Variants in DNM3 observed in about 807,000 individuals in gnomAD.
DNM3 encodes the protein dynamin-3.
In DNM3, 47 loss-of-function variants were observed where a neutral mutation model predicts 101.6. The observed-to-expected ratio is 0.46, with a 90% CI of 0.37 to 0.59. The LOEUF (loss-of-function observed/expected upper bound fraction) is 0.59, where lower values mean the gene tolerates loss of function less well. Among genes scored for constraint, DNM3 ranks in the 20% least tolerant of loss-of-function variants. The pLI, the probability that DNM3 is intolerant of heterozygous loss-of-function variation, is 0.00. For missense variants in DNM3, 849 were observed against 1,085.7 expected, an observed-to-expected ratio of 0.78 and a Z score of 3.06; for synonymous variants, 385 against 387.9, an observed-to-expected ratio of 0.99 and a Z score of 0.09.
intron 2 of DNM3, among the ~76,000 whole-genome samples, chr1:171,952,181 TCA>T (rs2042572941): frequency 6.6e-6 from 1 of 152,200 alleles, no homozygotes; most frequent in Non-Finnish European, 1.5e-5. Flanking sequence ...CCTTAAAATG[TCA>T]CACTTTTAGT....
intron 2 of DNM3, among the ~76,000 whole-genome samples, chr1:171,967,588 C>T (rs989508616): frequency 2.0e-5 from 3 of 152,032 alleles, no homozygotes; most frequent in East Asian, 1.9e-4. Flanking sequence ...TTTAAGAGCA[C>T]GCTCCCTAGA....
At chr1:172,128,478 A>G (rs1308772850) in intron 13 of DNM3, among the ~76,000 whole-genome samples, 1 of 152,242 alleles carries the variant, frequency 6.6e-6, no homozygotes, top group East Asian at 1.9e-4. Context: ...TGTAAGCTAC[A>G]TATGTAATTA....
At chr1:172,156,232 G>A (rs1196676395) in intron 14 of DNM3, among the ~76,000 whole-genome samples, 1 of 152,074 alleles carries the variant, frequency 6.6e-6, no homozygotes, top group Non-Finnish European at 1.5e-5. Flanking sequence ...GCTGTTGGCT[G>A]TAAAAATCTA....
chr1:172,029,137 G>A (rs1277233332), intron 4 of DNM3, among the ~76,000 whole-genome samples: 1 of 152,164 alleles, frequency 6.6e-6, no homozygotes, highest in African/African-American at 2.4e-5. Flanking sequence ...TATCCCTGAT[G>A]AACATTGATG....
intron 1 of DNM3, among the ~76,000 whole-genome samples, chr1:171,910,935 G>C (rs2039240995): frequency 6.6e-6 from 1 of 152,200 alleles, no homozygotes; most frequent in South Asian, 2.1e-4. Flanking sequence ...GTCTTTAAGA[G>C]TGAGTTCATT....
At chr1:172,302,409 T>A (rs541699227) in intron 15 of DNM3, among the ~76,000 whole-genome samples, 1 of 152,224 alleles carries the variant, frequency 6.6e-6, no homozygotes, top group Non-Finnish European at 1.5e-5. Flanking sequence ...CAGCAAGGCC[T>A]GCTACCTCTA....
intron 2 of DNM3, among the ~76,000 whole-genome samples, chr1:171,963,395 G>T: frequency 6.6e-6 from 1 of 152,076 alleles, no homozygotes; most frequent in Admixed American, 6.6e-5. Context: ...TGAATAGGTG[G>T]ATCTCAGAGG....
intron 13 of DNM3, among the ~76,000 whole-genome samples, chr1:172,094,586 A>G (rs1446273794): frequency 6.6e-6 from 1 of 152,180 alleles, no homozygotes; most frequent in Non-Finnish European, 1.5e-5. Context: ...GGAATAGAAA[A>G]TATCTCTCAG....
intron 13 of DNM3, among the ~76,000 whole-genome samples, chr1:172,101,764 A>AC (rs933458045): frequency 6.6e-6 from 1 of 152,178 alleles, no homozygotes; most frequent in Non-Finnish European, 1.5e-5. Flanking sequence ...ACTGTGTTTA[A>AC]CCACAGTTCT....
At chr1:171,983,717 C>T (rs552467164) in intron 2 of DNM3, among the ~76,000 whole-genome samples, 3 of 152,204 alleles carry the variant, frequency 2.0e-5, no homozygotes, top group Non-Finnish European at 2.9e-5. Flanking sequence ...TATATCTAGC[C>T]GTGAAGATAT....
intron 10 of DNM3, among the ~76,000 whole-genome samples, chr1:172,055,096 G>A (rs1163964463): frequency 6.6e-6 from 1 of 151,994 alleles, no homozygotes; most frequent in Non-Finnish European, 1.5e-5. Flanking sequence ...AACTAAACAA[G>A]TGAATCCAAG....
At chr1:172,169,067 T>G (rs1385942865) in intron 14 of DNM3, among the ~76,000 whole-genome samples, 1 of 151,954 alleles carries the variant, frequency 6.6e-6, no homozygotes, top group Non-Finnish European at 1.5e-5. Flanking sequence ...CTTTTTTCTT[T>G]TGAGCGCTCA....
chr1:171,974,866 C>CTTTTTTTTTTT (rs202081677), intron 2 of DNM3, among the ~76,000 whole-genome samples: 2 of 149,496 alleles, frequency 1.3e-5, no homozygotes, highest in African/African-American at 5.0e-5. Flanking sequence ...TCTTCTTCTA[C>CTTTTTTTTTTT]TGTTTTTTTT....
At position 172,319,748 on chromosome 1, in the gene DNM3, A is replaced by T. The variant is rs540222977; in HGVS notation, c.1882-3581A>T. ...CAGGAAACAACAGATGCTGGAGAGC[A>T]TGTGGAGAAATAGGAACACTTTTAC... is the stretch of plus-strand genomic sequence containing the variant. On this transcript the variant is annotated intron_variant, in intron 16 of 20. Coordinates refer to ENST00000627582, the MANE Select transcript of DNM3 (RefSeq NM_015569.5). 2.7e-3 allele frequency among the ~76,000 whole-genome samples: 416 copies of T among 152,356 alleles called. 1 individual carries two copies. The highest frequency in any genetic ancestry group is 9.4e-3 in the African/African-American group (391 of 41,576).
chr1:172,382,901 G>C (rs1047146837), intron 18 of DNM3, among the ~76,000 whole-genome samples: 7 of 152,094 alleles, frequency 4.6e-5, no homozygotes, highest in Non-Finnish European at 8.8e-5. Flanking sequence ...GACCCCTCTG[G>C]AGGTCCACAT....
intron 10 of DNM3, among the ~76,000 whole-genome samples, chr1:172,051,006 TC>T (rs1178462168): frequency 6.6e-6 from 1 of 152,206 alleles, no homozygotes; most frequent in East Asian, 1.9e-4. Flanking sequence ...CTCTACCCTT[TC>T]CATTATGCTC....
chr1:171,853,694 C>T (rs894175263), intron 1 of DNM3, among the ~76,000 whole-genome samples: 3 of 152,150 alleles, frequency 2.0e-5, no homozygotes, highest in Non-Finnish European at 2.9e-5. Flanking sequence ...CCATCAGAGT[C>T]TCAGCTGTCC....
chr1:172,219,377 CAAAAAAAAAAAAAA>C (rs58783160), intron 14 of DNM3, among the ~76,000 whole-genome samples: 1 of 56,302 alleles, frequency 1.8e-5, no homozygotes, highest in South Asian at 9.4e-4. Context: ...TACCCTGTCT[CAAAAAAAAAAAAAA>C]AAAAAAAAAA....
chr1:172,369,249 T>C (rs2068192565), intron 17 of DNM3, among the ~76,000 whole-genome samples: 1 of 151,880 alleles, frequency 6.6e-6, no homozygotes. Flanking sequence ...AACTGAATAC[T>C]ACAGCATATC....
Sources: gnomAD v4.1 joint callset for allele counts (sites outside exome capture counted in the v4.1 genomes callset) on GRCh38, gnomAD v4.1.1 for gene constraint, MANE v1.5 for transcripts, NCBI Gene and HGNC (gene_info 2026-07-23, HGNC 2026-07-21) for gene names.